Variants in LAMA1 observed in about 807,000 individuals in gnomAD.
LAMA1 encodes laminin subunit alpha-1.
Under a neutral mutation model 348.7 loss-of-function variants are expected in LAMA1, and 219 were observed. The ratio of observed to expected loss-of-function variants is 0.63; its 90% CI spans 0.56 to 0.70. The LOEUF (loss-of-function observed/expected upper bound fraction) is 0.70, where lower values mean the gene tolerates loss of function less well. LAMA1 is among the 30% of genes least tolerant of loss of function. The pLI, the probability that LAMA1 is intolerant of heterozygous loss-of-function variation, is 0.00. For missense variants in LAMA1, 3,744 were observed against 3,888.0 expected, an observed-to-expected ratio of 0.96 and a Z score of 0.99; for synonymous variants, 1,487 against 1,491.0, an observed-to-expected ratio of 1.00 and a Z score of 0.06.
intron 1 of LAMA1, among the ~76,000 whole-genome samples, chr18:7,089,530 T>C (rs2058231307): frequency 6.6e-6 from 1 of 152,090 alleles, no homozygotes; most frequent in African/African-American, 2.4e-5. Flanking sequence ...CTCACCCACA[T>C]GGATTGTGAA....
intron 1 of LAMA1, among the ~76,000 whole-genome samples, chr18:7,092,694 A>G (rs954970637): frequency 1.3e-5 from 2 of 151,958 alleles, no homozygotes; most frequent in Non-Finnish European, 2.9e-5. Context: ...CAAACCCAAC[A>G]AGCAGTTTAC....
At chr18:7,063,616 T>C (rs577929790) in intron 3 of LAMA1, among the ~76,000 whole-genome samples, 12 of 152,304 alleles carry the variant, frequency 7.9e-5, no homozygotes, top group Admixed American at 6.5e-4. Context: ...CGTTGATGGA[T>C]GAATGGCTAA....
At position 6,983,366 on chromosome 18, in the gene LAMA1, T is replaced by C. The variant is rs949656052; in HGVS notation, c.5661-132A>G. On this transcript the variant is annotated intron_variant, in intron 39 of 62. Transcript: ENST00000389658. ...TTTCCCCTTAGAAGAGTATCATCCA[T>C]AAAAAATAACAACCTATGGGTTCCC... 6 of 941,440 alleles carry C rather than the reference T, an allele frequency of 6.4e-6. No individual in the cohort carries two copies. In the South Asian group the frequency reaches 7.1e-5, roughly 11 times the overall value. 58.3% of individuals were successfully genotyped at this position (941,440 alleles called of 1,614,324 possible).
chr18:6,963,833 A>T (rs372593839), intron 51 of LAMA1: 1 of 152,296 alleles, frequency 6.6e-6, no homozygotes, highest in Non-Finnish European at 1.5e-5. Context: ...CAGCCACACA[A>T]AGTTTCTGTA....
intron 1 of LAMA1, among the ~76,000 whole-genome samples, chr18:7,106,381 G>A (rs1021235317): frequency 6.8e-6 from 1 of 146,160 alleles, no homozygotes; most frequent in African/African-American, 2.6e-5. Context: ...TTTTTTTTGA[G>A]ACAGAGTCTC....
At position 7,025,684 on chromosome 18, in the gene LAMA1, A is replaced by G. The variant is rs545154262; in HGVS notation, c.2402+295T>C. On this transcript the variant is annotated intron_variant, in intron 17 of 62. Coordinates refer to ENST00000389658, the MANE Select transcript of LAMA1 (RefSeq NM_005559.4). ...TCTGTATCCCTCCACCTCCTAGCCC[A>G]CTGGTAAGTAGACAACATATACTTG... 2.0e-4 allele frequency among the ~76,000 whole-genome samples: 31 copies of G among 152,292 alleles called. No homozygotes were observed. In the South Asian group the frequency reaches 6.4e-3, roughly 32 times the overall value.
chr18:7,008,760 T>G lies in LAMA1; in HGVS notation c.4002-152A>C, dbSNP rs2057845134. ...GCTTGTGATTGTAAGTGAAGTGTGT[T>G]AAAGCACATTACTAACTGTCATGAC... On this transcript the variant is annotated intron_variant, in intron 27 of 62. Transcript: ENST00000389658. 4.7e-6 allele frequency: 4 copies of G among 849,336 alleles called. No homozygotes were observed. In the Admixed American group the frequency reaches 7.6e-5, roughly 16 times the overall value. 52.6% of individuals were successfully genotyped at this position (849,336 alleles called of 1,614,324 possible). A position where few individuals can be genotyped will look rare whatever the true frequency, so the allele number is the denominator to read the frequency against.
intron 32 of LAMA1, among the ~76,000 whole-genome samples, chr18:6,998,933 T>TGAGGCAGAGGAATCACTTGAGTCCAG (rs1306555306): frequency 6.6e-6 from 1 of 152,120 alleles, no homozygotes; most frequent in Non-Finnish European, 1.5e-5. Context: ...CTCGGGAGGC[T>TGAGGCAGAGGAATCACTTGAGTCCAG]GAGGCAGAGG....
At chr18:6,971,788 CA>C (rs2057659324) in intron 48 of LAMA1, 68 bp downstream of exon 48, 4 of 1,604,314 alleles carry the variant, frequency 2.5e-6, no homozygotes, top group African/African-American at 1.3e-5. Context: ...TGTATTAATA[CA>C]TTCTTTCAGC....
intron 16 of LAMA1, among the ~76,000 whole-genome samples, chr18:7,028,410 C>T (rs2057953958): frequency 1.3e-5 from 2 of 152,182 alleles, no homozygotes; most frequent in Admixed American, 6.5e-5. Context: ...GGCAGAATAA[C>T]ACACAGAAAT....
chr18:7,021,837 ATATAT>A lies in LAMA1; in HGVS notation c.2701+1322_2701+1326del, dbSNP rs66762078. 1.1e-3 allele frequency among the ~76,000 whole-genome samples: 62 copies of A among 54,484 alleles called. 3 individuals are homozygous for A. Among genetic ancestry groups the A allele is most frequent in the African/African-American group, 3.2e-3 (26 of 8,182 alleles). The allele number at this position is 54,484 out of a possible 152,430, so 35.7% of individuals were successfully genotyped here. A position where few individuals can be genotyped will look rare whatever the true frequency, so the allele number is the denominator to read the frequency against. ...ATAATATATATTATATAATATAATA[ATATAT>A]TATATTATATTATATATATTATATA... On this transcript the variant is annotated intron_variant, in intron 19 of 62. Coordinates refer to ENST00000389658, the MANE Select transcript of LAMA1 (RefSeq NM_005559.4).
At chr18:6,951,647 A>G (rs1242951426) in intron 57 of LAMA1, among the ~76,000 whole-genome samples, 1 of 98,558 alleles carries the variant, frequency 1.0e-5, no homozygotes, top group Admixed American at 1.1e-4. Context: ...TAAACTGAAG[A>G]ACAGGTCAGG....
Position 6,999,475 on chromosome 18 carries a change from T to C in LAMA1, c.4633A>G (p.Arg1545Gly). 1 of 1,614,222 alleles carries C rather than the reference T, an allele frequency of 6.2e-7. No homozygotes were observed. The highest frequency in any genetic ancestry group is 8.5e-7 in the Non-Finnish European group (1 of 1,180,054). Residue 1545 changes from arginine (R) to glycine (G), a missense_variant, in exon 32 of 63, where the codon AGG (arginine) becomes GGG (glycine). Arg to Gly is a moderately radical substitution (Grantham distance 125, BLOSUM62 -2). Around this residue, in one of 3 missense-constraint regions of LAMA1, gnomAD observed 1,983 missense variants for 1,934.3 expected, o/e 1.03. Transcript: ENST00000389658. Reference protein sequence around the residue: ...SGLRCDECEPRHILMETDCVS... With the variant: ...SGLRCDECEPGHILMETDCVS... ...CAATCTGTTTCCATCAGAATGTGCC[T>C]CGGTTCACACTCATCGCACCGGAGC...
At chr18:7,002,975 G>A (rs548987163) in intron 29 of LAMA1, among the ~76,000 whole-genome samples, 111 of 151,966 alleles carry the variant, frequency 7.3e-4, no homozygotes, top group African/African-American at 2.6e-3. Flanking sequence ...TGACCTCCCA[G>A]GCTCAAGTGA....
rs148225763 is a variant in LAMA1 at position 7,010,328 on chromosome 18, C to T, written c.3745G>A (p.Val1249Ile). 1.8e-4 allele frequency: 290 copies of T among 1,614,166 alleles called. No homozygotes were observed. The East Asian group carries it at 3.1e-3, about 17-fold the overall frequency. Residue 1249 changes from valine (V) to isoleucine (I), a missense_variant, in exon 26 of 63, where the codon GTC (valine) becomes ATC (isoleucine). Coordinates refer to ENST00000389658, the MANE Select transcript of LAMA1 (RefSeq NM_005559.4). ...TGAGGCTCAAAATTGGAGGTGCCGA[C>T]GCCATCCAAAGAATAGAAGGCCACG... ...YSVAFYSLDG[V>I]GTSNFEPQVL...
rs1209232470 is a variant in LAMA1, at chr18:6,995,369, G to T, written c.4884C>A (p.Asn1628Lys). Residue 1628 changes from asparagine (N) to lysine (K), a missense_variant, in exon 34 of 63, where the codon AAC (asparagine) becomes AAA (lysine). Asn to Lys is a moderately conservative substitution (Grantham distance 94). This residue lies in a region of LAMA1 where 1,983 missense variants were observed against 1,934.3 expected (regional missense o/e 1.03). Transcript: ENST00000389658. ...GGAAAGAATTTACCTTCTTTTGCAG[G>T]TTGTCCGTTTCTTCTGCAACACCTT... is the stretch of plus-strand genomic sequence containing the variant. ...KLEGVAEETDNLQKKLTRMLA... is the reference protein window; with the variant it reads ...KLEGVAEETDKLQKKLTRMLA... 6.2e-7 allele frequency: 1 copy of T among 1,612,350 alleles called. No homozygotes were observed. The highest frequency in any genetic ancestry group is 1.1e-5 in the South Asian group (1 of 91,048).
intron 36 of LAMA1, 93 bp from the exon 37 acceptor site, chr18:6,986,440 C>T: frequency 8.9e-7 from 1 of 1,124,282 alleles, no homozygotes; most frequent in East Asian, 2.5e-5. Flanking sequence ...CGTATTTATG[C>T]CTAGTCTCTT....
In LAMA1 at chr18:7,044,754, G is replaced by A. The variant is rs201386303; in HGVS notation, c.944C>T (p.Pro315Leu). Residue 315 changes from proline (P) to leucine (L), a missense_variant, in exon 7 of 63, where the codon CCG becomes CTG. By Grantham distance (98) the Pro-to-Leu change is moderately conservative. This residue lies in a region of LAMA1 where 1,529 missense variants were observed against 1,689.4 expected (regional missense o/e 0.91). Coordinates refer to ENST00000389658, the MANE Select transcript of LAMA1 (RefSeq NM_005559.4). ...TGTATTGCCGGAGGACACGGTTCCC[G>A]GCCTCCAGGGCTGCTGATGGTACCC... ...CPGYHQQPWRPGTVSSGNTCE... is the reference protein window; with the variant it reads ...CPGYHQQPWRLGTVSSGNTCE... The A allele has an allele frequency of 2.0e-4, 324 of 1,614,136 alleles. 2 individuals carry two copies. In the Middle Eastern group the frequency reaches 2.1e-3, roughly 11 times the overall value.
intron 23 of LAMA1, among the ~76,000 whole-genome samples, chr18:7,012,414 C>T (rs1369836909): frequency 1.3e-5 from 2 of 151,306 alleles, no homozygotes; most frequent in Non-Finnish European, 1.5e-5. Context: ...CTCTGGAAGC[C>T]GCCTCGAGTC....
Sources: allele counts gnomAD v4.1 joint callset (sites outside exome capture counted in the v4.1 genomes callset), GRCh38; gene constraint gnomAD v4.1.1; regional missense constraint gnomAD v4.1.1; transcripts MANE v1.5; gene names NCBI Gene and HGNC (gene_info 2026-07-23, HGNC 2026-07-21).